The following CASP8 variants were observed in gnomAD, a reference collection of about 807,000 sequenced individuals.
CASP8 encodes caspase 8.
A neutral mutation model predicts 46.3 loss-of-function variants in CASP8; 24 were observed. The observed-to-expected ratio is 0.52, with a 90% confidence interval of 0.38 to 0.73. CASP8 has a LOEUF of 0.73. CASP8 is among the 30% of genes least tolerant of loss of function. CASP8 has a pLI of 0.00. For missense variants in CASP8, 460 were observed against 559.0 expected (o/e 0.82, Z 1.79); for synonymous variants, 188 against 200.4 (o/e 0.94, Z 0.52).
chr2:201,269,865 A>G (rs746923682), intron 2 of CASP8, among the ~76,000 whole-genome samples: 9 of 152,246 alleles, frequency 5.9e-5, no homozygotes, highest in African/African-American at 2.2e-4. Flanking sequence ...GGCTTCAATA[A>G]TGAGGAAAGC....
intron 2 of CASP8, among the ~76,000 whole-genome samples, chr2:201,250,343 A>T (rs1946722752): frequency 6.6e-6 from 1 of 152,232 alleles, no homozygotes; most frequent in Admixed American, 6.5e-5. Context: ...TGCTCTAAAG[A>T]GATACCTGAG....
Position 201,266,268 on chromosome 2 carries a change from G to A in CASP8, c.-26-193G>A, listed in dbSNP as rs1174243152. Among the ~76,000 whole-genome samples the A allele has an allele frequency of 1.3e-5, 2 of 152,156 alleles. No homozygotes were observed. Among genetic ancestry groups the A allele is most frequent in the African/African-American group, 2.4e-5 (1 of 41,442 alleles). ...GTTGGGATTAGAGGCGTGAGCCACC[G>A]CGCCCAGCCCATTGGCTTGTTTGTA... is the stretch of plus-strand genomic sequence containing the variant. On this transcript the variant is annotated intron_variant, in intron 1 of 8. Transcript: ENST00000673742. This position sits in a 1 kb window ranked among gnomAD's most constrained non-coding sequence, Gnocchi z 5.7.
chr2:201,273,143 C>T (rs978281071), intron 5 of CASP8, among the ~76,000 whole-genome samples: 3 of 151,752 alleles, frequency 2.0e-5, no homozygotes, highest in Admixed American at 1.3e-4. Context: ...CTGCAATCTC[C>T]GCCTCCCAGG....
At chr2:201,257,374 C>T (rs1047726796), upstream of CASP8, among the ~76,000 whole-genome samples, 3 of 150,730 alleles carry the variant, frequency 2.0e-5, no homozygotes, top group South Asian at 6.3e-4. Context: ...CCCAGCTACT[C>T]GGGAGGCTGA....
intron 1 of CASP8, among the ~76,000 whole-genome samples, chr2:201,263,304 A>G (rs1168137971): frequency 6.6e-6 from 1 of 152,216 alleles, no homozygotes; most frequent in Non-Finnish European, 1.5e-5. Context: ...AAGTCATCCT[A>G]AATGTAATCA....
intron 2 of CASP8, among the ~76,000 whole-genome samples, chr2:201,246,790 T>A (rs574269252): frequency 6.6e-6 from 1 of 152,346 alleles, no homozygotes; most frequent in South Asian, 2.1e-4. Context: ...TTGTGTCAAC[T>A]GGAACGCAAA....
intron 2 of CASP8, among the ~76,000 whole-genome samples, chr2:201,246,557 G>A (rs918547229): frequency 5.9e-5 from 9 of 152,168 alleles, no homozygotes; most frequent in African/African-American, 2.2e-4. Context: ...ACAACCTCTA[G>A]TCTAATTTCT....
intron 7 of CASP8, among the ~76,000 whole-genome samples, chr2:201,283,244 A>G (rs1949254059): frequency 1.2e-5 from 1 of 82,322 alleles, no homozygotes. Context: ...TCCCTCCCGG[A>G]CTGGGCGGCT....
In CASP8 at chr2:201,281,892, C is replaced by T. The variant is rs1189104918; in HGVS notation, c.803-2924C>T. On this transcript the variant is annotated intron_variant, in intron 7 of 8. Coordinates refer to ENST00000673742, the MANE Select transcript of CASP8 (RefSeq NM_001372051.1). ...ATTAGAAGCCTGCAGAATCCAGCTA[C>T]GAATATAGAGGGTTTTGCTCTTGAA... 2.4e-5 allele frequency: 36 copies of T among 1,484,754 alleles called. 1 individual carries two copies. The highest frequency in any genetic ancestry group is 3.5e-4 in the Middle Eastern group (2 of 5,706). 92.0% of individuals were successfully genotyped at this position (1,484,754 alleles called of 1,614,324 possible).
At chr2:201,245,166 A>G (rs1946456044) in intron 2 of CASP8, among the ~76,000 whole-genome samples, 1 of 152,132 alleles carries the variant, frequency 6.6e-6, no homozygotes, top group Non-Finnish European at 1.5e-5. Flanking sequence ...GATGCATTCT[A>G]TGCCTGGGAA....
intron 2 of CASP8, among the ~76,000 whole-genome samples, chr2:201,267,392 T>G (rs1409499696): frequency 6.6e-6 from 1 of 152,128 alleles, no homozygotes; most frequent in East Asian, 1.9e-4. Flanking sequence ...CTCGAATGAC[T>G]AAGTTCTTTA....
intron 5 of CASP8, 114 bp downstream of exon 5, chr2:201,273,056 T>TTA: frequency 2.0e-5 from 16 of 820,464 alleles, no homozygotes; most frequent in Non-Finnish European, 2.9e-5. Flanking sequence ...GCTCTACTTT[T>TTA]TCTTTTTTTT....
intron 7 of CASP8, among the ~76,000 whole-genome samples, chr2:201,278,443 C>T (rs1393699741): frequency 3.9e-5 from 6 of 152,192 alleles, no homozygotes; most frequent in African/African-American, 1.4e-4. Flanking sequence ...ACAGAACCAA[C>T]ACACTGTATT....
chr2:201,264,249 A>ATT, intron 1 of CASP8, among the ~76,000 whole-genome samples: 1 of 152,228 alleles, frequency 6.6e-6, no homozygotes, highest in Non-Finnish European at 1.5e-5. Flanking sequence ...TACCATGAAT[A>ATT]GCCTTATATA....
chr2:201,256,194 T>C (rs1309766380), upstream of CASP8, among the ~76,000 whole-genome samples: 1 of 152,234 alleles, frequency 6.6e-6, no homozygotes, highest in African/African-American at 2.4e-5. Context: ...TTACAGTTAA[T>C]TCTGAGGTGG....
At chr2:201,238,140 A>G (rs1946135269) in intron 2 of CASP8, among the ~76,000 whole-genome samples, 1 of 152,186 alleles carries the variant, frequency 6.6e-6, no homozygotes, top group Non-Finnish European at 1.5e-5. Context: ...AGTGGGGGTA[A>G]CAAATAACAA....
At chr2:201,286,408 A>C (rs1387713090) in intron 8 of CASP8, 51 bp from the exon 9 acceptor site, 1 of 1,594,502 alleles carries the variant, frequency 6.3e-7, no homozygotes. Context: ...GAGACAGTTC[A>C]TCAGTTGCTT....
chr2:201,252,776 A>C (rs1215874697), intron 2 of CASP8, among the ~76,000 whole-genome samples: 1 of 152,206 alleles, frequency 6.6e-6, no homozygotes, highest in East Asian at 1.9e-4. Context: ...TTCTAGATCT[A>C]CTGAGAATAC....
intron 2 of CASP8, among the ~76,000 whole-genome samples, chr2:201,251,948 A>T (rs925160267): frequency 2.0e-5 from 3 of 152,042 alleles, no homozygotes; most frequent in Non-Finnish European, 2.9e-5. Flanking sequence ...CTTTCTTCCA[A>T]AGTGTCCGTA....
Sources: gnomAD v4.1 joint callset for allele counts (sites outside exome capture counted in the v4.1 genomes callset) on GRCh38, gnomAD v4.1.1 for gene constraint, Gnocchi (gnomAD v3.1) non-coding constraint, MANE v1.5 for transcripts, NCBI Gene and HGNC (gene_info 2026-07-23, HGNC 2026-07-21) for gene names.